HECW1: variants seen among roughly 807,000 people sequenced by gnomAD.
HECW1 encodes HECT, C2 and WW domain containing E3 ubiquitin protein ligase 1, also known as E3 ubiquitin-protein ligase HECW1.
Under a neutral mutation model 182.3 loss-of-function variants are expected in HECW1, and 61 were observed. The ratio of observed to expected loss-of-function variants is 0.33; its 90% CI spans 0.27 to 0.41. HECW1 has a LOEUF of 0.41. Among genes scored for constraint, HECW1 ranks in the 10% least tolerant of loss-of-function variants. The pLI is 1.00. For synonymous variants in HECW1, 859 were observed against 832.6 expected (o/e 1.03, Z -0.55); for missense variants, 1,739 against 2,108.9 (o/e 0.82, Z 3.44).
Position 43,563,211 on chromosome 7 carries a change from T to C in HECW1, c.*1285T>C, listed in dbSNP as rs746817101. 1 of 205,158 alleles carries C rather than the reference T, an allele frequency of 4.9e-6. No homozygotes were observed. 12.7% of individuals were successfully genotyped at this position (205,158 alleles called of 1,614,324 possible). ...GCACGTTGATTTGTATCAAAATAAATATCCAGTTTCTTTTAGCATTCAGTG... is the reference window on the plus strand; with the variant it reads ...GCACGTTGATTTGTATCAAAATAAACATCCAGTTTCTTTTAGCATTCAGTG... On this transcript the variant is annotated 3_prime_UTR_variant, in exon 30 of 30. Coordinates refer to ENST00000395891, the MANE Select transcript of HECW1 (RefSeq NM_015052.5).
chr7:43,455,710 C>T (rs538546930), intron 12 of HECW1, among the ~76,000 whole-genome samples: 28 of 152,332 alleles, frequency 1.8e-4, no homozygotes, highest in African/African-American at 6.0e-4. Context: ...ATCACACCAT[C>T]ACGGGTGTGA....
chr7:43,250,246 C>T (rs192263050), intron 3 of HECW1, among the ~76,000 whole-genome samples: 1 of 152,106 alleles, frequency 6.6e-6, no homozygotes, highest in Admixed American at 6.6e-5. Flanking sequence ...CTCTGGTCCA[C>T]AGCAGCCTCA....
At chr7:43,415,129 G>A (rs2075946545) in intron 8 of HECW1, among the ~76,000 whole-genome samples, 1 of 151,334 alleles carries the variant, frequency 6.6e-6, no homozygotes, top group African/African-American at 2.4e-5. Context: ...AGTCTCGATG[G>A]TCTTTACATT....
At position 43,320,919 on chromosome 7, in the gene HECW1, A is replaced by G. The variant is rs1810033854; in HGVS notation, c.460+177A>G. Among the ~76,000 whole-genome samples, 4 of 152,364 alleles carry G rather than the reference A, an allele frequency of 2.6e-5. No individual in the cohort carries two copies. The South Asian group carries it at 8.3e-4, about 32-fold the overall frequency. On this transcript the variant is annotated intron_variant, in intron 5 of 29. Transcript: ENST00000395891. ...AGTAGTAAGTGGTGAGGTCTAGGGC[A>G]GTTGGATAAAAGCCAGCCAACCAGC...
intron 2 of HECW1, among the ~76,000 whole-genome samples, chr7:43,208,542 G>A (rs1443430346): frequency 1.3e-5 from 2 of 152,206 alleles, no homozygotes; most frequent in Non-Finnish European, 2.9e-5. Flanking sequence ...GTATCTCCAG[G>A]GGAGAGCTCA....
intron 3 of HECW1, among the ~76,000 whole-genome samples, chr7:43,251,953 TG>T (rs979957291): frequency 2.0e-5 from 3 of 152,118 alleles, no homozygotes; most frequent in Admixed American, 6.6e-5. Context: ...CCCAGTGCTC[TG>T]GGGGGGTACA....
At chr7:43,524,448 G>C (rs2080676145) in intron 24 of HECW1, among the ~76,000 whole-genome samples, 1 of 152,174 alleles carries the variant, frequency 6.6e-6, no homozygotes, top group Admixed American at 6.5e-5. Flanking sequence ...ATGAGGTTGA[G>C]AAAGGATAAT....
At chr7:43,472,378 G>T (rs2152901802) in intron 16 of HECW1, among the ~76,000 whole-genome samples, 1 of 152,242 alleles carries the variant, frequency 6.6e-6, no homozygotes, top group Admixed American at 6.5e-5. Flanking sequence ...TAGGTTTATT[G>T]CTTATTGTCT....
At chr7:43,300,876 T>C (rs1806672865) in intron 3 of HECW1, among the ~76,000 whole-genome samples, 1 of 152,192 alleles carries the variant, frequency 6.6e-6, no homozygotes, top group Non-Finnish European at 1.5e-5. Flanking sequence ...AGCTGCACAC[T>C]GTCCCTGCAC....
At chr7:43,294,923 A>G (rs935040496) in intron 3 of HECW1, among the ~76,000 whole-genome samples, 1 of 152,144 alleles carries the variant, frequency 6.6e-6, no homozygotes, top group African/African-American at 2.4e-5. Flanking sequence ...ACTTCAATCT[A>G]TATGTGTAAG....
chr7:43,136,771 C>A (rs1787582025), intron 2 of HECW1, among the ~76,000 whole-genome samples: 1 of 152,126 alleles, frequency 6.6e-6, no homozygotes, highest in Non-Finnish European at 1.5e-5. Flanking sequence ...CATTGGTCAG[C>A]ATTAGCAATT....
intron 5 of HECW1, among the ~76,000 whole-genome samples, chr7:43,348,067 T>G (rs1299137291): frequency 1.3e-5 from 2 of 152,186 alleles, no homozygotes; most frequent in Admixed American, 6.5e-5. Flanking sequence ...TCTTTCTCTA[T>G]CTTGTGGAAT....
chr7:43,241,590 T>C (rs1201552572), intron 2 of HECW1: 1 of 152,078 alleles, frequency 6.6e-6, no homozygotes, highest in East Asian at 1.9e-4. Flanking sequence ...TGGTCTTTTT[T>C]CCTCTTCTTT....
chr7:43,226,345 T>A lies in HECW1; in HGVS notation c.-31-17530T>A, dbSNP rs543400274. On this transcript the variant is annotated intron_variant, in intron 2 of 29. Coordinates refer to ENST00000395891, the MANE Select transcript of HECW1 (RefSeq NM_015052.5). ...GAGACTTCTATTATTGGTTGGTTTG[T>A]CTTAAAATGAAGTCAGGAATATCTA... 2.6e-5 allele frequency among the ~76,000 whole-genome samples: 4 copies of A among 152,282 alleles called. No homozygotes were observed. The East Asian group carries it at 5.8e-4, about 22-fold the overall frequency.
chr7:43,198,669 A>G (rs1026558603), intron 2 of HECW1, among the ~76,000 whole-genome samples: 1 of 144,434 alleles, frequency 6.9e-6, no homozygotes, highest in South Asian at 2.2e-4. Flanking sequence ...ACACCCCCAC[A>G]CTCACACACA....
chr7:43,476,163 T>C (rs1419860068), intron 16 of HECW1, among the ~76,000 whole-genome samples: 1 of 152,196 alleles, frequency 6.6e-6, no homozygotes, highest in East Asian at 1.9e-4. Flanking sequence ...ATTTATTTGA[T>C]GGAAGCATTT....
intron 5 of HECW1, among the ~76,000 whole-genome samples, chr7:43,328,629 T>C (rs893035865): frequency 3.9e-5 from 6 of 152,162 alleles, no homozygotes; most frequent in Non-Finnish European, 8.8e-5. Context: ...ACATCAAAAT[T>C]GACCTGCAGT....
chr7:43,477,940 T>C lies in HECW1; in HGVS notation c.3100-1670T>C, dbSNP rs929083073. 5.9e-5 allele frequency among the ~76,000 whole-genome samples: 9 copies of C among 152,346 alleles called. No homozygotes were observed. In the South Asian group the frequency reaches 1.9e-3, roughly 32 times the overall value. Reference sequence around the variant, plus strand: ...GAGGTCATTTAAAGCTGATATGACTTCACCAAATGTTACTGTTGGTTGAAA... The same window carrying C: ...GAGGTCATTTAAAGCTGATATGACTCCACCAAATGTTACTGTTGGTTGAAA... On this transcript the variant is annotated intron_variant, in intron 16 of 29. Transcript: ENST00000395891.
intron 2 of HECW1, among the ~76,000 whole-genome samples, chr7:43,120,030 A>T (rs925462953): frequency 6.6e-6 from 1 of 152,204 alleles, no homozygotes; most frequent in East Asian, 1.9e-4. Context: ...TGTGCCAGGC[A>T]TTGGTTTAGG....
Sources: allele counts gnomAD v4.1 joint callset (sites outside exome capture counted in the v4.1 genomes callset), GRCh38; gene constraint gnomAD v4.1.1; transcripts MANE v1.5; gene names NCBI Gene and HGNC (gene_info 2026-07-23, HGNC 2026-07-21).